MTMR7: variants seen among roughly 807,000 people sequenced by gnomAD.
The protein encoded by MTMR7 is phosphatidylinositol-3-phosphate phosphatase MTMR7.
In MTMR7, 76 loss-of-function variants were observed where a neutral mutation model predicts 81.2. The ratio of observed to expected loss-of-function variants is 0.94; its 90% CI spans 0.78 to 1.13. MTMR7 has a LOEUF of 1.13. MTMR7 is among the 50% of genes most tolerant of loss of function. The pLI, the probability that MTMR7 is intolerant of heterozygous loss-of-function variation, is 0.00. For missense variants in MTMR7, 1,044 were observed against 820.0 expected, an observed-to-expected ratio of 1.27 and a Z score of -3.34; for synonymous variants, 372 against 289.8, an observed-to-expected ratio of 1.28 and a Z score of -2.88.
Position 17,341,515 on chromosome 8 carries a change from A to G in MTMR7, c.598-18T>C, listed in dbSNP as rs1183371202. On this transcript the variant is annotated intron_variant, in intron 5 of 13. Coordinates refer to ENST00000180173, the MANE Select transcript of MTMR7 (RefSeq NM_004686.5). ...ATGGAGGCCTAGGGGGAGAGGTCAC[A>G]GCAACACAGCACCATCAGGTAACTG... 6.2e-7 allele frequency: 1 copy of G among 1,612,362 alleles called. No homozygotes were observed. Among genetic ancestry groups the G allele is most frequent in the Non-Finnish European group, 8.5e-7 (1 of 1,179,836 alleles).
At chr8:17,319,097 C>T (rs1397822882) in intron 7 of MTMR7, among the ~76,000 whole-genome samples, 1 of 152,176 alleles carries the variant, frequency 6.6e-6, no homozygotes, top group Non-Finnish European at 1.5e-5. Context: ...AACCATACGT[C>T]TGAGTAATAA....
At chr8:17,334,258 G>T (rs1819152254) in intron 6 of MTMR7, among the ~76,000 whole-genome samples, 1 of 152,200 alleles carries the variant, frequency 6.6e-6, no homozygotes, top group South Asian at 2.1e-4. Flanking sequence ...AGGAGATACG[G>T]TTTTACAATT....
At chr8:17,328,834 G>T (rs563695930) in intron 7 of MTMR7, among the ~76,000 whole-genome samples, 7 of 152,188 alleles carry the variant, frequency 4.6e-5, no homozygotes, top group African/African-American at 1.7e-4. Context: ...AAAATTGCTT[G>T]CTATGTGACT....
chr8:17,331,393 A>G, intron 6 of MTMR7, 111 bp from the exon 7 acceptor site: 1 of 1,163,778 alleles, frequency 8.6e-7, no homozygotes, highest in Non-Finnish European at 1.2e-6. Flanking sequence ...TGATGTACGG[A>G]AACATAATAC....
intron 10 of MTMR7, 23 bp from the exon 11 acceptor site, chr8:17,305,980 CTT>C (rs1817427604): frequency 2.6e-6 from 4 of 1,554,440 alleles, no homozygotes; most frequent in Non-Finnish European, 3.5e-6. Flanking sequence ...GCATTAGAGA[CTT>C]TTTAAGGCAG....
intron 1 of MTMR7, among the ~76,000 whole-genome samples, chr8:17,389,076 G>A (rs1289623858): frequency 1.3e-5 from 2 of 152,110 alleles, no homozygotes; most frequent in African/African-American, 2.4e-5. Flanking sequence ...AGTGCACTCT[G>A]AGGTCACCAA....
chr8:17,297,703 G>GTTTGA lies in MTMR7; in HGVS notation c.*2154_*2158dup, dbSNP rs1554502549. 6.6e-6 allele frequency: 1 copy of GTTTGA among 151,914 alleles called. No individual in the cohort carries two copies. Among genetic ancestry groups the GTTTGA allele is most frequent in the East Asian group, 1.9e-4 (1 of 5,182 alleles). The allele number at this position is 151,914 out of a possible 1,614,324, so 9.4% of individuals were successfully genotyped here. ...CTCAATAAAACACTTCCTGATTAATGTTTGATTATTAGATATTTTAGTCTT... is the reference window on the plus strand; with the variant it reads ...CTCAATAAAACACTTCCTGATTAATGTTTGATTTGATTATTAGATATTTTAGTCTT... On this transcript the variant is annotated 3_prime_UTR_variant, in exon 14 of 14. Transcript: ENST00000180173.
At chr8:17,389,498 G>C (rs1433812061) in intron 1 of MTMR7, among the ~76,000 whole-genome samples, 2 of 152,170 alleles carry the variant, frequency 1.3e-5, no homozygotes, top group Non-Finnish European at 2.9e-5. Context: ...GCAACCCTCG[G>C]TGGCAGGATC....
At chr8:17,346,583 T>C (rs571243885) in intron 5 of MTMR7, among the ~76,000 whole-genome samples, 88 of 152,012 alleles carry the variant, frequency 5.8e-4, no homozygotes, top group Non-Finnish European at 1.1e-3. Flanking sequence ...AAAATTCTCT[T>C]TCTGAGACAA....
intron 7 of MTMR7, among the ~76,000 whole-genome samples, chr8:17,315,828 G>C (rs1283446043): frequency 6.6e-6 from 1 of 152,102 alleles, no homozygotes. Context: ...CCTATATAAA[G>C]TAGTGAGACT....
chr8:17,361,136 T>C lies in MTMR7; in HGVS notation c.449A>G (p.Asp150Gly). 6.2e-7 allele frequency: 1 copy of C among 1,614,162 alleles called. No individual in the cohort carries two copies. Among genetic ancestry groups the C allele is most frequent in the African/African-American group, 1.3e-5 (1 of 75,054 alleles). The change falls in exon 4 of 14, where the codon GAT (aspartate) becomes GGT (glycine). Residue 150 changes from aspartate (D) to glycine (G), a missense_variant. Asp to Gly is a moderately conservative substitution (Grantham distance 94). Transcript: ENST00000180173. ...ACTCACTCTGTAGTCTCTATTCACA[T>C]CGCTGAGCTGCCAGTAATGATTAGG... is the stretch of plus-strand genomic sequence containing the variant. Reference protein sequence around the residue: ...GLPNHYWQLSDVNRDYRVCDS... With the variant: ...GLPNHYWQLSGVNRDYRVCDS...
intron 7 of MTMR7, among the ~76,000 whole-genome samples, chr8:17,317,572 C>T (rs1818155126): frequency 6.6e-6 from 1 of 152,142 alleles, no homozygotes; most frequent in South Asian, 2.1e-4. Context: ...GGTTGACTTT[C>T]CAGAAAGTGT....
At chr8:17,301,377 AC>A (rs1334844305) in intron 13 of MTMR7, among the ~76,000 whole-genome samples, 1 of 152,190 alleles carries the variant, frequency 6.6e-6, no homozygotes, top group Non-Finnish European at 1.5e-5. Context: ...TTAAACTTGG[AC>A]ATTCTGGTGA....
intron 5 of MTMR7, among the ~76,000 whole-genome samples, chr8:17,344,931 A>G (rs1464360708): frequency 6.6e-6 from 1 of 152,146 alleles, no homozygotes; most frequent in African/African-American, 2.4e-5. Context: ...TAAATTTGGG[A>G]GACCATGCTG....
At chr8:17,321,884 A>G (rs1296076338) in intron 7 of MTMR7, among the ~76,000 whole-genome samples, 6 of 152,210 alleles carry the variant, frequency 3.9e-5, no homozygotes, top group African/African-American at 1.4e-4. Context: ...CAAAGACAAA[A>G]GATATAATTT....
chr8:17,312,574 C>CAAAAAAAAAAA (rs10617081), intron 8 of MTMR7, among the ~76,000 whole-genome samples: 1 of 87,252 alleles, frequency 1.1e-5, no homozygotes, highest in African/African-American at 4.7e-5. Flanking sequence ...GACTCCCTCT[C>CAAAAAAAAAAA]AAAAAAAAAA....
rs1350422391 is a variant in MTMR7, at chr8:17,361,080, T to G, written c.468+37A>C. The stretch of plus-strand genomic sequence containing the variant: ...ATGCTAAGCTGGCTGAAACCCTAAT[T>G]TCATGCGGCTTCAGTGTTTGGGTTT... On this transcript the variant is annotated intron_variant, in intron 4 of 13. Coordinates refer to ENST00000180173, the MANE Select transcript of MTMR7 (RefSeq NM_004686.5). 3.1e-6 allele frequency: 5 copies of G among 1,610,654 alleles called. No homozygotes were observed. In the East Asian group the frequency reaches 1.1e-4, roughly 36 times the overall value.
chr8:17,307,880 A>C (rs1158297106), intron 10 of MTMR7, among the ~76,000 whole-genome samples: 1 of 131,898 alleles, frequency 7.6e-6, no homozygotes, highest in Non-Finnish European at 1.6e-5. Flanking sequence ...CACACCGGGG[A>C]CTGTTGTGGG....
chr8:17,392,183 T>C (rs926886779), intron 1 of MTMR7, among the ~76,000 whole-genome samples: 8 of 152,286 alleles, frequency 5.3e-5, no homozygotes, highest in Middle Eastern at 3.4e-3. Flanking sequence ...AAATAAGCTT[T>C]AAATAAGGAT....
Sources: gnomAD v4.1 joint callset for allele counts (sites outside exome capture counted in the v4.1 genomes callset) on GRCh38, gnomAD v4.1.1 for gene constraint, MANE v1.5 for transcripts, NCBI Gene and HGNC (gene_info 2026-07-23, HGNC 2026-07-21) for gene names.